FRMD8: variants seen among roughly 807,000 people sequenced by gnomAD.
FRMD8 encodes FERM domain-containing protein 8.
Under a neutral mutation model 54.2 loss-of-function variants are expected in FRMD8, and 37 were observed. That is an observed-to-expected ratio of 0.68 (90% CI 0.53 to 0.90). FRMD8 has a LOEUF of 0.90. Ranked by LOEUF, FRMD8 falls within the 40% of genes least tolerant of loss-of-function variation. The pLI is 0.00. For synonymous variants in FRMD8, 246 were observed against 286.9 expected (o/e 0.86, Z 1.44); for missense variants, 585 against 653.7 (o/e 0.89, Z 1.15).
the FRMD8 span, among the ~76,000 whole-genome samples, chr11:65,369,208 C>T: frequency 6.6e-6 from 1 of 152,076 alleles, no homozygotes; most frequent in African/African-American, 2.4e-5. Context: ...AGGCATAAGT[C>T]AAAGGAATGT....
At chr11:65,394,468 A>G (rs1040768259) in intron 6 of FRMD8, 43 bp downstream of exon 6, 1 of 1,532,952 alleles carries the variant, frequency 6.5e-7, no homozygotes, top group Admixed American at 2.0e-5. Flanking sequence ...TGGGTGGGGG[A>G]GTTTGTCCTT....
chr11:65,382,128 G>A (rs976301050), upstream of FRMD8: 12 of 644,692 alleles, frequency 1.9e-5, no homozygotes, highest in Admixed American at 1.6e-4. This position sits in a 1 kb window ranked among gnomAD's most constrained non-coding sequence, Gnocchi z 4.4. Flanking sequence ...AGCCAGTTCC[G>A]GTGACCCTGG....
At chr11:65,371,183 G>C in the FRMD8 span, among the ~76,000 whole-genome samples, 1 of 152,082 alleles carries the variant, frequency 6.6e-6, no homozygotes, top group African/African-American at 2.4e-5. Context: ...TGTTTCCTGA[G>C]TCTGGTCAAA....
chr11:65,379,697 G>T, the FRMD8 span: 1 of 1,249,218 alleles, frequency 8.0e-7, no homozygotes, highest in Non-Finnish European at 1.1e-6. Context: ...GGCAGGGATG[G>T]GCTGAGGCTG....
chr11:65,390,563 TC>T (rs954497750), intron 3 of FRMD8, among the ~76,000 whole-genome samples: 2 of 115,268 alleles, frequency 1.7e-5, no homozygotes, highest in Admixed American at 9.3e-5. Context: ...CTCCACCCCC[TC>T]CCCCCTGCCA....
Position 65,400,949 on chromosome 11 carries a change from G to A in FRMD8, c.1071+82G>A. The A allele has an allele frequency of 1.4e-6, 2 of 1,453,292 alleles. No individual in the cohort carries two copies. The highest frequency in any genetic ancestry group is 2.8e-5 in the South Asian group (2 of 72,134). 90.0% of individuals were successfully genotyped at this position (1,453,292 alleles called of 1,614,324 possible). Reference sequence around the variant, plus strand: ...CCCAGACAATTAGAGGCACCAGGCTGGCGGGCAAGGAGGTGAGAAGCTGCC... The same window carrying A: ...CCCAGACAATTAGAGGCACCAGGCTAGCGGGCAAGGAGGTGAGAAGCTGCC... On this transcript the variant is annotated intron_variant, in intron 9 of 10. Coordinates refer to ENST00000317568, the MANE Select transcript of FRMD8 (RefSeq NM_031904.5). The surrounding 1 kb of genome is among the most constrained non-coding windows in gnomAD (Gnocchi z 4.3).
intron 7 of FRMD8, among the ~76,000 whole-genome samples, chr11:65,397,703 A>G (rs1169607784): frequency 6.6e-6 from 1 of 152,060 alleles, no homozygotes; most frequent in Non-Finnish European, 1.5e-5. Flanking sequence ...GGGAAAGTTT[A>G]GGAATTTGGT....
chr11:65,413,006 T>A lies in FRMD8; in HGVS notation c.*1646T>A, dbSNP rs1253872978. 6.6e-6 allele frequency: 1 copy of A among 152,258 alleles called. No homozygotes were observed. The allele number at this position is 152,258 out of a possible 1,614,324, so 9.4% of individuals were successfully genotyped here. On this transcript the variant is annotated 3_prime_UTR_variant, in exon 11 of 11. Coordinates refer to ENST00000317568, the MANE Select transcript of FRMD8 (RefSeq NM_031904.5). ...GGTGATTTTATTTTTTTTATTTTTT[T>A]ATTTTTTTTGAGACGGAGTCTTGCT... is the stretch of plus-strand genomic sequence containing the variant.
intron 10 of FRMD8, 109 bp from the exon 11 acceptor site, chr11:65,411,133 G>A: frequency 1.2e-6 from 1 of 828,020 alleles, no homozygotes; most frequent in Middle Eastern, 3.8e-4. Context: ...AGTCTGACCA[G>A]GCTCTGGAAG....
chr11:65,376,359 C>A, the FRMD8 span: 2 of 1,594,832 alleles, frequency 1.3e-6, no homozygotes, highest in Middle Eastern at 1.7e-4. Context: ...CTCAAACTGG[C>A]CTCCAGGCCG....
chr11:65,403,365 TAG>T (rs1856122620), intron 9 of FRMD8, among the ~76,000 whole-genome samples: 1 of 152,038 alleles, frequency 6.6e-6, no homozygotes, highest in Non-Finnish European at 1.5e-5. Context: ...GTATTTTTAG[TAG>T]AGATGGGTTT....
At chr11:65,377,119 C>A in the FRMD8 span, 2 of 1,588,432 alleles carry the variant, frequency 1.3e-6, no homozygotes, top group Non-Finnish European at 8.6e-7. Context: ...GGGCTTTGGG[C>A]TGGGAACTGG....
At chr11:65,369,972 G>C in the FRMD8 span, among the ~76,000 whole-genome samples, 1 of 150,330 alleles carries the variant, frequency 6.7e-6, no homozygotes, top group Admixed American at 6.6e-5. Context: ...TGGAAGTTGC[G>C]GTGAGCCAAG....
rs775275261 is a variant in FRMD8 at position 65,387,060 on chromosome 11, C to T, written c.24C>T (p.Ala8=). The T allele has an allele frequency of 2.5e-6, 4 of 1,609,294 alleles. No individual in the cohort carries two copies. Among genetic ancestry groups the T allele is most frequent in the South Asian group, 1.1e-5 (1 of 91,072 alleles). MDGTEGS[A]GQPGPAERSH... ...AGATGGACGGGACAGAAGGCAGTGC[C>T]GGGCAGCCCGGCCCCGCTGAGCGAT... Residue 8 remains alanine (A), a synonymous_variant, in exon 2 of 11, where the codon GCC becomes GCT. Transcript: ENST00000317568.
the FRMD8 span, among the ~76,000 whole-genome samples, chr11:65,369,769 A>G: frequency 5.4e-4 from 82 of 151,400 alleles, no homozygotes; most frequent in African/African-American, 2.0e-3. Flanking sequence ...ATAGTGGCTC[A>G]TGCCTGTAAT....
chr11:65,380,698 C>T, the FRMD8 span: 1 of 927,720 alleles, frequency 1.1e-6, no homozygotes, highest in Non-Finnish European at 1.5e-6. Context: ...TGCCCACTGC[C>T]TAGCCCTGCC....
chr11:65,410,586 C>T (rs1856308204), intron 10 of FRMD8, among the ~76,000 whole-genome samples: 1 of 152,058 alleles, frequency 6.6e-6, no homozygotes, highest in Non-Finnish European at 1.5e-5. Context: ...GTCAGGAGAT[C>T]GAGACCATCT....
At chr11:65,379,623 C>A in the FRMD8 span, 1 of 1,504,754 alleles carries the variant, frequency 6.6e-7, no homozygotes, top group Non-Finnish European at 9.0e-7. Context: ...GTCCTCTCCA[C>A]CCCTGGCAAG....
At chr11:65,393,735 C>T in intron 4 of FRMD8, 61 bp downstream of exon 4, 1 of 1,380,202 alleles carries the variant, frequency 7.2e-7, no homozygotes, top group Non-Finnish European at 1.0e-6. Context: ...TCTCTGGCTC[C>T]CAGCCCAGCC....
Sources: gnomAD v4.1 joint callset for allele counts (sites outside exome capture counted in the v4.1 genomes callset) on GRCh38, gnomAD v4.1.1 for gene constraint, Gnocchi (gnomAD v3.1) non-coding constraint, MANE v1.5 for transcripts, NCBI Gene and HGNC (gene_info 2026-07-23, HGNC 2026-07-21) for gene names.